The following HDAC9 variants were observed in gnomAD, a reference collection of about 807,000 sequenced individuals.
HDAC9 encodes MEF-2 interacting transcription repressor (MITR) protein.
Under a neutral mutation model 139.4 loss-of-function variants are expected in HDAC9, and 41 were observed. That is an observed-to-expected ratio of 0.29 (90% CI 0.23 to 0.38). The LOEUF (loss-of-function observed/expected upper bound fraction) is 0.38. Ranked by LOEUF, HDAC9 falls within the 10% of genes least tolerant of loss-of-function variation. The pLI is 1.00. For missense variants in HDAC9, 1,147 were observed against 1,297.0 expected, an observed-to-expected ratio of 0.88 and a Z score of 1.78; for synonymous variants, 517 against 476.2, an observed-to-expected ratio of 1.09 and a Z score of -1.12.
At position 18,551,405 on chromosome 7, in the gene HDAC9, G is replaced by C. The variant is rs759879533; in HGVS notation, c.23-33876G>C. Among the ~76,000 whole-genome samples the C allele has an allele frequency of 8.9e-4, 135 of 152,102 alleles. 1 individual carries two copies. The highest frequency in any genetic ancestry group is 1.6e-3 in the Non-Finnish European group (111 of 68,024). On this transcript the variant is annotated intron_variant, in intron 2 of 25. Coordinates refer to ENST00000686413, the MANE Select transcript of HDAC9 (RefSeq NM_178425.4). ...TATCATGAGATTAGATGAGGTTACC[G>C]AGGAAGTGACTATAGGTGGAGAAGA...
chr7:18,621,192 T>G (rs1335011852), intron 6 of HDAC9, among the ~76,000 whole-genome samples: 1 of 151,854 alleles, frequency 6.6e-6, no homozygotes, highest in Non-Finnish European at 1.5e-5. Context: ...AATACGTAAT[T>G]ACCTGGGAAA....
chr7:18,729,555 A>G (rs1044781510), intron 13 of HDAC9, among the ~76,000 whole-genome samples: 1 of 152,154 alleles, frequency 6.6e-6, no homozygotes, highest in Non-Finnish European at 1.5e-5. Flanking sequence ...TGCCAAATGG[A>G]TAGGGTTTGT....
intron 13 of HDAC9, among the ~76,000 whole-genome samples, chr7:18,741,663 G>C (rs2129141977): frequency 6.6e-6 from 1 of 152,260 alleles, no homozygotes; most frequent in South Asian, 2.1e-4. Flanking sequence ...TATTATTTAA[G>C]AAATACATTC....
At chr7:18,712,917 T>A (rs1784446902) in intron 12 of HDAC9, among the ~76,000 whole-genome samples, 1 of 152,242 alleles carries the variant, frequency 6.6e-6, no homozygotes. Flanking sequence ...TTTACTTTGT[T>A]TCTATTGATT....
intron 1 of HDAC9, among the ~76,000 whole-genome samples, chr7:18,089,132 G>A (rs549439016): frequency 6.6e-6 from 1 of 152,118 alleles, no homozygotes; most frequent in African/African-American, 2.4e-5. Flanking sequence ...AAATGGACAC[G>A]GTTAGATGCA....
intron 2 of HDAC9, among the ~76,000 whole-genome samples, chr7:18,178,245 G>C (rs1275336238): frequency 6.6e-6 from 1 of 152,122 alleles, no homozygotes; most frequent in African/African-American, 2.4e-5. Flanking sequence ...CACCATGCTG[G>C]CTAATTGTTT....
intron 22 of HDAC9, among the ~76,000 whole-genome samples, chr7:18,890,217 G>A (rs926128162): frequency 1.3e-5 from 2 of 152,190 alleles, no homozygotes; most frequent in Admixed American, 1.3e-4. Context: ...TGCCTCAAAA[G>A]AGCTCTGGAT....
intron 2 of HDAC9, among the ~76,000 whole-genome samples, chr7:18,220,593 T>A (rs1047154116): frequency 1.3e-5 from 2 of 152,210 alleles, no homozygotes. Context: ...CAGAGACAGA[T>A]AACCATGTAG....
intron 13 of HDAC9, among the ~76,000 whole-genome samples, chr7:18,743,098 C>G (rs1787607003): frequency 6.6e-6 from 1 of 151,884 alleles, no homozygotes; most frequent in African/African-American, 2.4e-5. Context: ...CTCACTCATT[C>G]TTGAATGTAG....
intron 1 of HDAC9, among the ~76,000 whole-genome samples, chr7:18,444,372 G>C (rs1792096035): frequency 7.2e-6 from 1 of 139,206 alleles, no homozygotes; most frequent in Admixed American, 7.2e-5. Flanking sequence ...AAAAAAGAGT[G>C]ATGTGCTATC....
chr7:18,641,357 A>G (rs1213661168), intron 8 of HDAC9, among the ~76,000 whole-genome samples: 4 of 152,042 alleles, frequency 2.6e-5, no homozygotes, highest in Admixed American at 6.6e-5. Flanking sequence ...TCCCAACATA[A>G]TGCTCCTTCC....
chr7:18,958,424 T>C (rs1490218034), intron 24 of HDAC9, among the ~76,000 whole-genome samples: 1 of 152,150 alleles, frequency 6.6e-6, no homozygotes, highest in East Asian at 1.9e-4. Flanking sequence ...CCCATGTACT[T>C]TGTGGCACTA....
chr7:18,412,240 A>G (rs992101231), intron 1 of HDAC9, among the ~76,000 whole-genome samples: 1 of 152,108 alleles, frequency 6.6e-6, no homozygotes, highest in Non-Finnish European at 1.5e-5. Flanking sequence ...AGAAAATGTT[A>G]TTTAAGAATA....
At chr7:18,826,947 C>T (rs1201413444) in intron 17 of HDAC9, among the ~76,000 whole-genome samples, 3 of 151,370 alleles carry the variant, frequency 2.0e-5, no homozygotes, top group African/African-American at 7.3e-5. Context: ...TGTTATAAAA[C>T]TATTGGAAAA....
At chr7:18,992,910 C>G (rs1481723569) in intron 25 of HDAC9, among the ~76,000 whole-genome samples, 1 of 152,150 alleles carries the variant, frequency 6.6e-6, no homozygotes, top group Non-Finnish European at 1.5e-5. Context: ...ATAGTTATCT[C>G]CGAACTTACT....
At chr7:18,802,889 G>A (rs1793419292) in intron 17 of HDAC9, among the ~76,000 whole-genome samples, 1 of 151,028 alleles carries the variant, frequency 6.6e-6, no homozygotes, top group Admixed American at 6.6e-5. Flanking sequence ...TTACATACTA[G>A]GTCTATCTCC....
chr7:18,984,108 C>T (rs543759299), intron 25 of HDAC9, among the ~76,000 whole-genome samples: 54 of 152,224 alleles, frequency 3.5e-4, no homozygotes, highest in African/African-American at 1.3e-3. Flanking sequence ...AAATTAGATA[C>T]ATTTGTGTGC....
intron 17 of HDAC9, among the ~76,000 whole-genome samples, chr7:18,799,393 A>G (rs983609863): frequency 2.0e-5 from 3 of 152,238 alleles, no homozygotes; most frequent in Non-Finnish European, 4.4e-5. Context: ...GAAACAAGAA[A>G]GAATGCCCCA....
intron 2 of HDAC9, among the ~76,000 whole-genome samples, chr7:18,576,554 C>A (rs1414103841): frequency 1.3e-5 from 2 of 150,696 alleles, no homozygotes; most frequent in East Asian, 3.9e-4. Flanking sequence ...CCCAGCTACT[C>A]GGGAGGCTGA....
Sources: allele counts gnomAD v4.1 joint callset (sites outside exome capture counted in the v4.1 genomes callset), GRCh38; gene constraint gnomAD v4.1.1; transcripts MANE v1.5; gene names NCBI Gene and HGNC (gene_info 2026-07-23, HGNC 2026-07-21).